The following TMEM266 variants were observed in gnomAD, a reference collection of about 807,000 sequenced individuals.
TMEM266 encodes Hv1 related protein 1.
TMEM266 carries 33 observed loss-of-function variants against 50.5 expected under a neutral mutation model. That is an observed-to-expected ratio of 0.65 (90% CI 0.50 to 0.87). The LOEUF (loss-of-function observed/expected upper bound fraction) is 0.87. TMEM266 is among the 40% of genes least tolerant of loss of function. The pLI is 0.00. For synonymous variants in TMEM266, 310 were observed against 292.3 expected (o/e 1.06, Z -0.62); for missense variants, 655 against 695.1 (o/e 0.94, Z 0.65).
intron 1 of TMEM266, among the ~76,000 whole-genome samples, chr15:76,124,314 C>T (rs2037387142): frequency 6.6e-6 from 1 of 152,180 alleles, no homozygotes; most frequent in Non-Finnish European, 1.5e-5. Flanking sequence ...ACACACAAGA[C>T]AGGGGCATGG....
chr15:76,159,390 G>T (rs2037979121), intron 4 of TMEM266, among the ~76,000 whole-genome samples: 1 of 152,208 alleles, frequency 6.6e-6, no homozygotes, highest in African/African-American at 2.4e-5. Context: ...GAAAGGTGGG[G>T]CGGGAACCCT....
chr15:76,062,744 A>C (rs767437584), intron 1 of TMEM266, among the ~76,000 whole-genome samples: 1 of 152,232 alleles, frequency 6.6e-6, no homozygotes, highest in Non-Finnish European at 1.5e-5. Flanking sequence ...TTATCGTGCA[A>C]AGGCCAATTC....
At chr15:76,159,163 C>A (rs1050313148) in intron 4 of TMEM266, among the ~76,000 whole-genome samples, 1 of 152,162 alleles carries the variant, frequency 6.6e-6, no homozygotes, top group East Asian at 1.9e-4. Context: ...ACCAGTATTT[C>A]TTTTAGGCCT....
At chr15:76,080,685 C>T (rs1433253574) in intron 1 of TMEM266, among the ~76,000 whole-genome samples, 2 of 152,088 alleles carry the variant, frequency 1.3e-5, no homozygotes, top group Non-Finnish European at 2.9e-5. Flanking sequence ...TTTGCTGGAG[C>T]GGCCACCTGT....
intron 1 of TMEM266, among the ~76,000 whole-genome samples, chr15:76,130,662 A>C (rs565322861): frequency 6.6e-6 from 1 of 152,232 alleles, no homozygotes; most frequent in African/African-American, 2.4e-5. Context: ...GGCATCTAGG[A>C]TTTATTCCAA....
At chr15:76,150,406 C>G (rs1389609625) in intron 3 of TMEM266, among the ~76,000 whole-genome samples, 1 of 152,188 alleles carries the variant, frequency 6.6e-6, no homozygotes, top group African/African-American at 2.4e-5. Flanking sequence ...ATGAAAATCT[C>G]AAAGTAGGGC....
chr15:76,180,607 CTTTTTTTTTTT>C (rs59287886), intron 8 of TMEM266, among the ~76,000 whole-genome samples: 797 of 63,244 alleles, frequency 0.013, 21 homozygotes, highest in African/African-American at 0.047. Context: ...TCATCTTAAG[CTTTTTTTTTTT>C]TTTTTTTTTT....
rs1348785407 is a variant in TMEM266 at position 76,137,837 on chromosome 15, C to T, written c.169C>T (p.Leu57Phe). The T allele has an allele frequency of 1.2e-6, 2 of 1,610,424 alleles. No homozygotes were observed. Among genetic ancestry groups the T allele is most frequent in the Admixed American group, 3.4e-5 (2 of 59,314 alleles). The stretch of plus-strand genomic sequence containing the variant: ...GGACTTGCCCCTGGCTGCTGTCGAT[C>T]TCTCCACGGCGGGCTCGCAGCTCCT... ...VDLSTAGSQL[L>F]SNLDEDYQRE... Residue 57 changes from leucine (L) to phenylalanine (F), a missense_variant, in exon 3 of 11, where the codon CTC (leucine) becomes TTC (phenylalanine). By Grantham distance (22) the Leu-to-Phe change is conservative. Coordinates refer to ENST00000388942, the MANE Select transcript of TMEM266 (RefSeq NM_152335.3).
Position 76,201,984 on chromosome 15 carries a change from A to G in TMEM266, c.959-218A>G, listed in dbSNP as rs1378065381. On this transcript the variant is annotated intron_variant, in intron 9 of 10. Coordinates refer to ENST00000388942, the MANE Select transcript of TMEM266 (RefSeq NM_152335.3). ...AGGTCAGTACTAAGGCAGATGCTTC[A>G]TCAGAACCTGGGTCCCCCAGCACCC... Among the ~76,000 whole-genome samples, 8 of 152,164 alleles carry G rather than the reference A, an allele frequency of 5.3e-5. No homozygotes were observed. The East Asian group carries it at 1.5e-3, about 29-fold the overall frequency.
At chr15:76,193,939 C>T (rs1162170437) in intron 9 of TMEM266, among the ~76,000 whole-genome samples, 1 of 152,222 alleles carries the variant, frequency 6.6e-6, no homozygotes, top group African/African-American at 2.4e-5. Flanking sequence ...GCGTTTTGGT[C>T]CCTCTCAGAG....
Position 76,202,276 on chromosome 15 carries a change from T to G in TMEM266, c.1021+12T>G, listed in dbSNP as rs1385717026. The G allele has an allele frequency of 6.2e-7, 1 of 1,611,014 alleles. No individual in the cohort carries two copies. The highest frequency in any genetic ancestry group is 1.7e-5 in the Admixed American group (1 of 59,616). ...TGGGCCCAGCAGTGGTAAGTCTGGG[T>G]TGGGGCTGTTCTACATGTGCCACAA... is the stretch of plus-strand genomic sequence containing the variant. On this transcript the variant is annotated intron_variant, in intron 10 of 10. Coordinates refer to ENST00000388942, the MANE Select transcript of TMEM266 (RefSeq NM_152335.3).
At chr15:76,137,518 G>A (rs2037608988) in intron 2 of TMEM266, among the ~76,000 whole-genome samples, 189 bp from the exon 3 acceptor site, 1 of 152,144 alleles carries the variant, frequency 6.6e-6, no homozygotes, top group Admixed American at 6.6e-5. Flanking sequence ...ACCATTGAAA[G>A]AGATGGGACT....
intron 1 of TMEM266, among the ~76,000 whole-genome samples, chr15:76,125,752 G>A (rs2037411588): frequency 6.6e-6 from 1 of 151,816 alleles, no homozygotes; most frequent in African/African-American, 2.4e-5. Context: ...GGAGGCTGAG[G>A]CAGGAGAATT....
chr15:76,204,347 G>C lies in TMEM266; in HGVS notation c.*32G>C. 6.5e-7 allele frequency: 1 copy of C among 1,548,704 alleles called. No individual in the cohort carries two copies. Among genetic ancestry groups the C allele is most frequent in the Non-Finnish European group, 8.8e-7 (1 of 1,139,138 alleles). ...CCATGGGCTGGGTGAGATGAGGGGA[G>C]ACAGCCATCTCAAAGCTCTCCTGGG... On this transcript the variant is annotated 3_prime_UTR_variant, in exon 11 of 11. Transcript: ENST00000388942.
intron 8 of TMEM266, among the ~76,000 whole-genome samples, chr15:76,183,272 C>T (rs1057031353): frequency 1.1e-4 from 16 of 151,658 alleles, no homozygotes; most frequent in East Asian, 1.9e-4. Flanking sequence ...TGTGTCACCA[C>T]CCCTGGCTAA....
intron 1 of TMEM266, among the ~76,000 whole-genome samples, chr15:76,063,639 T>C (rs1438297826): frequency 1.3e-5 from 2 of 152,212 alleles, no homozygotes; most frequent in African/African-American, 4.8e-5. Flanking sequence ...TAGCCTACTA[T>C]ATTAATTAGT....
chr15:76,086,067 GA>G (rs953556431), intron 1 of TMEM266, among the ~76,000 whole-genome samples: 4 of 145,386 alleles, frequency 2.8e-5, no homozygotes, highest in African/African-American at 7.6e-5. Flanking sequence ...AAAAAAAAAA[GA>G]AAAAAATGTC....
rs1022866480 is a variant in TMEM266, at chr15:76,204,443, C to T, written c.*128C>T. On this transcript the variant is annotated 3_prime_UTR_variant, in exon 11 of 11. Coordinates refer to ENST00000388942, the MANE Select transcript of TMEM266 (RefSeq NM_152335.3). The stretch of plus-strand genomic sequence containing the variant: ...CTGGCCTCCCTCAGGGTGCTGCCTG[C>T]CTCCAGGGAGGCGACGCCAGGCCAG... 18 of 903,130 alleles carry T rather than the reference C, an allele frequency of 2.0e-5. No homozygotes were observed. The highest frequency in any genetic ancestry group is 2.9e-5 in the Admixed American group (1 of 34,384). The allele number at this position is 903,130 out of a possible 1,614,324, so 55.9% of individuals were successfully genotyped here.
chr15:76,203,823 C>T lies in TMEM266; in HGVS notation c.1104C>T (p.Leu368=). Residue 368 remains leucine (L), a synonymous_variant, in exon 11 of 11, where the codon CTC becomes CTT. Coordinates refer to ENST00000388942, the MANE Select transcript of TMEM266 (RefSeq NM_152335.3). ...ACCAGCCCAACATCTCCTCGGACCT[C>T]TTCTCTCTGGACATGCCCCTCAAAC... 1.2e-6 allele frequency: 2 copies of T among 1,614,226 alleles called. No individual in the cohort carries two copies. The highest frequency in any genetic ancestry group is 1.7e-6 in the Non-Finnish European group (2 of 1,180,030).
Sources: allele counts gnomAD v4.1 joint callset (sites outside exome capture counted in the v4.1 genomes callset), GRCh38; gene constraint gnomAD v4.1.1; transcripts MANE v1.5; gene names NCBI Gene and HGNC (gene_info 2026-07-23, HGNC 2026-07-21).